The following TCF4 variants were observed in gnomAD, a reference collection of about 807,000 sequenced individuals.
The protein encoded by TCF4 is transcription factor 4, also known as SL3-3 enhancer factor 2.
A neutral mutation model predicts 82.1 loss-of-function variants in TCF4; 3 were observed. That is an observed-to-expected ratio of 0.04 (90% CI 0.02 to 0.09). TCF4 has a LOEUF of 0.09. Among genes scored for constraint, TCF4 ranks in the 10% least tolerant of loss-of-function variants. The pLI is 1.00. For synonymous variants in TCF4, 276 were observed against 309.6 expected (o/e 0.89, Z 1.14); for missense variants, 518 against 852.7 (o/e 0.61, Z 4.89).
chr18:55,585,583 A>G (rs976168873), intron 2 of TCF4: 4 of 611,432 alleles, frequency 6.5e-6, no homozygotes, highest in Admixed American at 6.3e-5. Flanking sequence ...TTAGATGGCC[A>G]AGCAGTACTA....
chr18:55,524,500 T>C (rs749254715), intron 3 of TCF4, among the ~76,000 whole-genome samples: 93 of 152,328 alleles, frequency 6.1e-4, no homozygotes, highest in East Asian at 9.6e-4. Context: ...GTTCTTTTCT[T>C]TAAATGAGCC....
intron 13 of TCF4, 22 bp from the exon 14 acceptor site, chr18:55,257,413 C>T (rs1486883127): frequency 6.2e-7 from 1 of 1,611,934 alleles, no homozygotes; most frequent in Non-Finnish European, 8.5e-7. Context: ...GTGGGAATTA[C>T]AATCAGATCT....
chr18:55,235,645 C>T (rs1227186285), intron 15 of TCF4, among the ~76,000 whole-genome samples: 2 of 152,132 alleles, frequency 1.3e-5, no homozygotes, highest in South Asian at 2.1e-4. Context: ...TGCCTTCAAG[C>T]GAAAACATGA....
intron 17 of TCF4, chr18:55,231,701 A>G (rs2047974023): frequency 6.6e-6 from 1 of 152,246 alleles, no homozygotes; most frequent in South Asian, 2.1e-4. Context: ...AACTTGTGGC[A>G]AGACACGGAA....
chr18:55,351,871 C>T (rs757854995), intron 6 of TCF4: 1 of 906,454 alleles, frequency 1.1e-6, no homozygotes, highest in Non-Finnish European at 1.3e-6. Context: ...TGCAATAAAA[C>T]AAGAGTAGAT....
At chr18:55,241,324 G>A (rs997749439) in intron 15 of TCF4, among the ~76,000 whole-genome samples, 3 of 152,200 alleles carry the variant, frequency 2.0e-5, no homozygotes, top group African/African-American at 4.8e-5. Flanking sequence ...ACTGGAGAGA[G>A]CTCACCTAGC....
chr18:55,611,844 C>T lies in TCF4; in HGVS notation c.286+19454G>A, dbSNP rs535680813. 4.9e-4 allele frequency among the ~76,000 whole-genome samples: 74 copies of T among 152,280 alleles called. 1 individual carries two copies. The highest frequency in any genetic ancestry group is 1.7e-3 in the African/African-American group (70 of 41,546). On this transcript the variant is annotated intron_variant, in intron 2 of 20. Transcript: ENST00000398339. ...AGTGCAGTGGCACAATCTTGGGTCACTGCAACCTCTGCCTCTCGAATTCAA... is the reference window on the plus strand; with the variant it reads ...AGTGCAGTGGCACAATCTTGGGTCATTGCAACCTCTGCCTCTCGAATTCAA...
At chr18:55,390,286 T>A (rs1430885741) in intron 6 of TCF4, among the ~76,000 whole-genome samples, 1 of 82,234 alleles carries the variant, frequency 1.2e-5, no homozygotes, top group African/African-American at 5.1e-5. Context: ...CCCTGACTCT[T>A]AAAAAAAAAA....
intron 6 of TCF4, among the ~76,000 whole-genome samples, chr18:55,369,750 T>C (rs2088387389): frequency 6.6e-6 from 1 of 152,252 alleles, no homozygotes; most frequent in African/African-American, 2.4e-5. Flanking sequence ...TTTTTTAAGC[T>C]GACATAAATA....
chr18:55,530,567 G>GGC (rs1555729345), intron 3 of TCF4, among the ~76,000 whole-genome samples: 2 of 146,702 alleles, frequency 1.4e-5, no homozygotes, highest in East Asian at 2.3e-4. Context: ...GAAAAGGGGG[G>GGC]GGGAAACAGC....
intron 2 of TCF4, among the ~76,000 whole-genome samples, chr18:55,594,260 AAAGT>A (rs758797900): frequency 5.3e-5 from 8 of 152,184 alleles, no homozygotes; most frequent in Non-Finnish European, 1.0e-4. Context: ...TATTCTGTCT[AAAGT>A]AAGTACTCAA....
Position 55,224,062 on chromosome 18 carries a change from T to C in TCF4, c.*3973A>G, listed in dbSNP as rs1335122856. The C allele has an allele frequency of 6.6e-6, 1 of 151,838 alleles. No individual in the cohort carries two copies. The highest frequency in any genetic ancestry group is 1.5e-5 in the Non-Finnish European group (1 of 67,978). The allele number at this position is 151,838 out of a possible 1,614,324, so 9.4% of individuals were successfully genotyped here. On this transcript the variant is annotated 3_prime_UTR_variant, in exon 20 of 20. Coordinates refer to ENST00000354452, the MANE Select transcript of TCF4 (RefSeq NM_001083962.2). ...TTATTTTTAAATTTAGTTTTTTTTT[T>C]TTCCTACTAGGGTGTACTACAGTCT... is the stretch of plus-strand genomic sequence containing the variant.
rs1230445892 is a variant in TCF4 at position 55,229,019 on chromosome 18, C to T, written c.1707G>A (p.Arg569=). The T allele has an allele frequency of 9.3e-6, 15 of 1,614,096 alleles. No individual in the cohort carries two copies. The highest frequency in any genetic ancestry group is 1.0e-5 in the Non-Finnish European group (12 of 1,180,042). ...GCTCTCGGGCATTGTTGGCCATCCT[C>T]CGCTCCTTCTCACGCTCTGCCTTCT... The part of the protein sequence containing the change: ...PEQKAEREKE[R]RMANNARERL... Residue 569 remains arginine (R), a synonymous_variant, in exon 18 of 20, where the codon CGG becomes CGA. Coordinates refer to ENST00000354452, the MANE Select transcript of TCF4 (RefSeq NM_001083962.2).
At chr18:55,355,149 G>C (rs1184762785) in intron 6 of TCF4, among the ~76,000 whole-genome samples, 2 of 151,988 alleles carry the variant, frequency 1.3e-5, no homozygotes, top group Non-Finnish European at 2.9e-5. Flanking sequence ...TATAAAGCCA[G>C]GATTTTTTAA....
intron 8 of TCF4, among the ~76,000 whole-genome samples, chr18:55,301,942 G>C (rs778370941): frequency 7.9e-5 from 12 of 152,030 alleles, no homozygotes; most frequent in Non-Finnish European, 1.2e-4. Flanking sequence ...AACCGTTTCT[G>C]AGAAAAAAAG....
chr18:55,458,138 A>G (rs540929818), intron 5 of TCF4, among the ~76,000 whole-genome samples: 1 of 152,316 alleles, frequency 6.6e-6, no homozygotes, highest in Admixed American at 6.5e-5. Context: ...TTATTTCTGT[A>G]GCAGACGCCT....
At chr18:55,378,850 C>A (rs1286778488) in intron 6 of TCF4, among the ~76,000 whole-genome samples, 1 of 152,182 alleles carries the variant, frequency 6.6e-6, no homozygotes, top group Non-Finnish European at 1.5e-5. Flanking sequence ...CTAGCAAGAA[C>A]AGGTTAATGC....
chr18:55,620,823 C>A (rs954220445), intron 2 of TCF4, among the ~76,000 whole-genome samples: 1 of 145,638 alleles, frequency 6.9e-6, no homozygotes, highest in African/African-American at 2.6e-5. Flanking sequence ...TTGGTTCTTG[C>A]AGGTGGCTGG....
intron 5 of TCF4, among the ~76,000 whole-genome samples, chr18:55,429,883 T>G (rs2147129725): frequency 6.6e-6 from 1 of 151,190 alleles, no homozygotes; most frequent in Middle Eastern, 3.4e-3. Context: ...GGTCTTGACA[T>G]GATCTATCAG....
Sources: gnomAD v4.1 joint callset for allele counts (sites outside exome capture counted in the v4.1 genomes callset) on GRCh38, gnomAD v4.1.1 for gene constraint, MANE v1.5 for transcripts, NCBI Gene and HGNC (gene_info 2026-07-23, HGNC 2026-07-21) for gene names.